FBXO22: variants seen among roughly 807,000 people sequenced by gnomAD.
FBXO22 encodes F-box protein 22, also known as F-box only protein 22.
A neutral mutation model predicts 37.2 loss-of-function variants in FBXO22; 13 were observed. The observed-to-expected ratio is 0.35, with a 90% CI of 0.23 to 0.56. The LOEUF (loss-of-function observed/expected upper bound fraction) is 0.56, where lower values mean the gene tolerates loss of function less well. Ranked by LOEUF, FBXO22 falls within the 20% of genes least tolerant of loss-of-function variation. The probability of loss-of-function intolerance (pLI) is 0.87; values close to 1 mark genes in which losing one functional copy is unlikely to be tolerated. For missense variants in FBXO22, 446 were observed against 509.9 expected, an observed-to-expected ratio of 0.87 and a Z score of 1.21; for synonymous variants, 189 against 189.1, an observed-to-expected ratio of 1.00 and a Z score of 0.00.
rs763668634 is a variant in FBXO22, at chr15:75,917,276, T to G, written c.510T>G (p.Ile170Met). Residue 170 changes from isoleucine to methionine, a missense_variant, in exon 5 of 7, where the codon ATT becomes ATG. Around this residue, in one of 2 missense-constraint regions of FBXO22, gnomAD observed 315 missense variants for 410.1 expected, o/e 0.77. Coordinates refer to ENST00000308275, the MANE Select transcript of FBXO22 (RefSeq NM_147188.3). ...SGSNRPQEIE[I>M]GESGFALLFP... ...GCAATCGACCTCAGGAAATAGAAAT[T>G]GGAGAATCTGGTTTTGCTTTATTAT... 2.0e-5 allele frequency: 33 copies of G among 1,612,522 alleles called. No homozygotes were observed. The highest frequency in any genetic ancestry group is 2.7e-5 in the Non-Finnish European group (32 of 1,179,422).
chr15:75,921,212 T>C lies in FBXO22; in HGVS notation c.628+3818T>C, dbSNP rs143346313. Among the ~76,000 whole-genome samples, 1,127 of 152,314 alleles carry C rather than the reference T, an allele frequency of 7.4e-3. 13 individuals are homozygous for C. Among genetic ancestry groups the C allele is most frequent in the African/African-American group, 0.024 (1,012 of 41,570 alleles). On this transcript the variant is annotated intron_variant, in intron 5 of 6. Transcript: ENST00000308275. ...TAAAAACATGGTATGAAAGACAGTATACCTCTATAGGGCACTTAACATGAA... is the reference window on the plus strand; with the variant it reads ...TAAAAACATGGTATGAAAGACAGTACACCTCTATAGGGCACTTAACATGAA...
intron 2 of FBXO22, 52 bp downstream of exon 2, chr15:75,904,681 C>T: frequency 6.6e-7 from 1 of 1,514,304 alleles, no homozygotes; most frequent in Non-Finnish European, 8.8e-7. Context: ...GTGGTTCAGT[C>T]TTTGAGAACT....
intron 5 of FBXO22, among the ~76,000 whole-genome samples, chr15:75,927,424 G>T (rs2648435): frequency 0.92 from 140,508 of 152,170 alleles, 65,460 homozygotes; most frequent in East Asian, 1. Flanking sequence ...AAGTCATGAG[G>T]TTTCTAAAAG....
Position 75,940,868 on chromosome 15 carries a change from A to G in FBXO22, c.*7766A>G, listed in dbSNP as rs537541608. 7 of 152,292 alleles carry G rather than the reference A, an allele frequency of 4.6e-5. No individual in the cohort carries two copies. The South Asian group carries it at 1.2e-3, about 27-fold the overall frequency. The allele number at this position is 152,292 out of a possible 1,614,324, so 9.4% of individuals were successfully genotyped here. On this transcript the variant is annotated 3_prime_UTR_variant, in exon 7 of 7. Coordinates refer to ENST00000308275, the MANE Select transcript of FBXO22 (RefSeq NM_147188.3). ...ACCTAAATGTGAGAGCTAAAACCAT[A>G]AAACTCTTAGGATGTGGCAGTGGTT...
chr15:75,904,649 A>G lies in FBXO22; in HGVS notation c.279+20A>G, dbSNP rs758787214. ...CTTGAGGCAAGTAGCAAGGGGTGTCATGCACAGTCATTTGCAGGTTGGTGG... is the reference window on the plus strand; with the variant it reads ...CTTGAGGCAAGTAGCAAGGGGTGTCGTGCACAGTCATTTGCAGGTTGGTGG... On this transcript the variant is annotated intron_variant, in intron 2 of 6. Coordinates refer to ENST00000308275, the MANE Select transcript of FBXO22 (RefSeq NM_147188.3). 2 of 1,572,316 alleles carry G rather than the reference A, an allele frequency of 1.3e-6. No individual in the cohort carries two copies. Among genetic ancestry groups the G allele is most frequent in the Non-Finnish European group, 1.7e-6 (2 of 1,156,980 alleles).
rs1386617184 is a variant in FBXO22 at position 75,904,646 on chromosome 15, G to T, written c.279+17G>T. ...GAGCTTGAGGCAAGTAGCAAGGGGT[G>T]TCATGCACAGTCATTTGCAGGTTGG... is the stretch of plus-strand genomic sequence containing the variant. On this transcript the variant is annotated intron_variant, in intron 2 of 6. Coordinates refer to ENST00000308275, the MANE Select transcript of FBXO22 (RefSeq NM_147188.3). 1.3e-6 allele frequency: 2 copies of T among 1,571,762 alleles called. No homozygotes were observed. Among genetic ancestry groups the T allele is most frequent in the East Asian group, 2.3e-5 (1 of 43,906 alleles).
chr15:75,921,530 G>A (rs182241233), intron 5 of FBXO22, among the ~76,000 whole-genome samples: 1 of 152,106 alleles, frequency 6.6e-6, no homozygotes, highest in Non-Finnish European at 1.5e-5. Flanking sequence ...GGGCATAGTG[G>A]TGTGCGCCTG....
intron 2 of FBXO22, among the ~76,000 whole-genome samples, chr15:75,909,618 A>C (rs181540861): frequency 7.9e-5 from 12 of 152,298 alleles, no homozygotes; most frequent in African/African-American, 2.6e-4. Context: ...ATGAAAATGA[A>C]CTTTTTGAGG....
chr15:75,925,673 G>GT, intron 5 of FBXO22, among the ~76,000 whole-genome samples: 1 of 31,510 alleles, frequency 3.2e-5, no homozygotes, highest in African/African-American at 7.9e-5. Flanking sequence ...GGAAGCTAGT[G>GT]TTAAAAAAAA....
At position 75,933,195 on chromosome 15, in the gene FBXO22, C is replaced by A; in HGVS notation, c.*93C>A. ...CCATGTGTATTTCAAACAAAAATAA[C>A]TTTAGATATATCTTTTTTGTAGCTT... On this transcript the variant is annotated 3_prime_UTR_variant, in exon 7 of 7. Transcript: ENST00000308275. 9.6e-7 allele frequency: 1 copy of A among 1,045,044 alleles called. No homozygotes were observed. Among genetic ancestry groups the A allele is most frequent in the Non-Finnish European group, 1.4e-6 (1 of 719,892 alleles). The allele number at this position is 1,045,044 out of a possible 1,614,324, so 64.7% of individuals were successfully genotyped here. A position where few individuals can be genotyped will look rare whatever the true frequency, so the allele number is the denominator to read the frequency against.
At position 75,933,329 on chromosome 15, in the gene FBXO22, CA is replaced by C; in HGVS notation, c.*230del. On this transcript the variant is annotated 3_prime_UTR_variant, in exon 7 of 7. Coordinates refer to ENST00000308275, the MANE Select transcript of FBXO22 (RefSeq NM_147188.3). ...TGAGAGCTTTTGCATCAGGCAGAAG[CA>C]AACTGATTATAGTTGTGTTGCACCA... 1 of 480,828 alleles carries C rather than the reference CA, an allele frequency of 2.1e-6. No homozygotes were observed. The highest frequency in any genetic ancestry group is 2.5e-5 in the South Asian group (1 of 40,724). The allele number at this position is 480,828 out of a possible 1,614,324, so 29.8% of individuals were successfully genotyped here.
rs1243224274 is a variant in FBXO22, at chr15:75,937,199, G to A, written c.*4097G>A. The A allele has an allele frequency of 6.6e-6, 1 of 150,820 alleles. No homozygotes were observed. The highest frequency in any genetic ancestry group is 2.4e-5 in the African/African-American group (1 of 40,992). The allele number at this position is 150,820 out of a possible 1,614,324, so 9.3% of individuals were successfully genotyped here. A position where few individuals can be genotyped will look rare whatever the true frequency, so the allele number is the denominator to read the frequency against. ...ACTAGGAAGCTGCAAGCTTTTGTTT[G>A]CCTATCAAAACATTAAAAAAAAAAA... On this transcript the variant is annotated 3_prime_UTR_variant, in exon 7 of 7. Transcript: ENST00000308275.
chr15:75,916,140 A>C (rs1200692963), intron 4 of FBXO22, among the ~76,000 whole-genome samples: 1 of 151,738 alleles, frequency 6.6e-6, no homozygotes, highest in Non-Finnish European at 1.5e-5. Flanking sequence ...TAGAAGATTC[A>C]GATAAGCAAA....
intron 6 of FBXO22, chr15:75,930,541 C>T: frequency 1.0e-6 from 1 of 986,870 alleles, no homozygotes; most frequent in Non-Finnish European, 1.2e-6. Flanking sequence ...GCAAGTCGTA[C>T]TGGTTTTTGG....
Position 75,937,556 on chromosome 15 carries a change from T to C in FBXO22, c.*4454T>C, listed in dbSNP as rs2030498710. ...AAGCAACTGTCTGAACGAACCTTGT[T>C]AGAGCTTTGGAAAACAGTCAAAGGT... On this transcript the variant is annotated 3_prime_UTR_variant, in exon 7 of 7. Transcript: ENST00000308275. The C allele has an allele frequency of 6.6e-6, 1 of 150,470 alleles. No homozygotes were observed. 9.3% of individuals were successfully genotyped at this position (150,470 alleles called of 1,614,324 possible).
rs1222221661 is a variant in FBXO22 at position 75,935,852 on chromosome 15, A to G, written c.*2750A>G. 2.6e-5 allele frequency: 4 copies of G among 152,150 alleles called. No individual in the cohort carries two copies. The highest frequency in any genetic ancestry group is 6.5e-5 in the Admixed American group (1 of 15,284). The allele number at this position is 152,150 out of a possible 1,614,324, so 9.4% of individuals were successfully genotyped here. A position where few individuals can be genotyped will look rare whatever the true frequency, so the allele number is the denominator to read the frequency against. Reference sequence around the variant, plus strand: ...GCCCAGGCCGGATTGCAATGGCACAATCTTGGCTCACTGCAAGCTCCGCCT... The same window carrying G: ...GCCCAGGCCGGATTGCAATGGCACAGTCTTGGCTCACTGCAAGCTCCGCCT... On this transcript the variant is annotated 3_prime_UTR_variant, in exon 7 of 7. Coordinates refer to ENST00000308275, the MANE Select transcript of FBXO22 (RefSeq NM_147188.3).
At chr15:75,931,457 T>G (rs1362357375) in intron 6 of FBXO22, among the ~76,000 whole-genome samples, 2 of 152,312 alleles carry the variant, frequency 1.3e-5, no homozygotes, top group East Asian at 3.9e-4. Flanking sequence ...AGATTGACAA[T>G]GTATATTAAC....
rs574872613 is a variant in FBXO22 at position 75,941,907 on chromosome 15, C to G, written c.*8805C>G. 2.2e-4 allele frequency: 26 copies of G among 119,400 alleles called. No individual in the cohort carries two copies. Among genetic ancestry groups the G allele is most frequent in the African/African-American group, 7.9e-4 (24 of 30,348 alleles). The allele number at this position is 119,400 out of a possible 1,614,324, so 7.4% of individuals were successfully genotyped here. Reference sequence around the variant, plus strand: ...CAAAATGGTTAAAATTTAAATCTTACGTACATTTTGCCACAGTAAATTTTT... The same window carrying G: ...CAAAATGGTTAAAATTTAAATCTTAGGTACATTTTGCCACAGTAAATTTTT... On this transcript the variant is annotated 3_prime_UTR_variant, in exon 7 of 7. Transcript: ENST00000308275.
rs1471096215 is a variant in FBXO22 at position 75,941,506 on chromosome 15, A to G, written c.*8404A>G. On this transcript the variant is annotated 3_prime_UTR_variant, in exon 7 of 7. Transcript: ENST00000308275. ...CACTGCAGCATTATTCACCGTAGTC[A>G]AAAGGTAGAAACAACCCAAATACCC... The G allele has an allele frequency of 1.3e-5, 2 of 152,218 alleles. No individual in the cohort carries two copies. Among genetic ancestry groups the G allele is most frequent in the Non-Finnish European group, 2.9e-5 (2 of 68,020 alleles). 9.4% of individuals were successfully genotyped at this position (152,218 alleles called of 1,614,324 possible). A position where few individuals can be genotyped will look rare whatever the true frequency, so the allele number is the denominator to read the frequency against.
Sources: allele counts gnomAD v4.1 joint callset (sites outside exome capture counted in the v4.1 genomes callset), GRCh38; gene constraint gnomAD v4.1.1; regional missense constraint gnomAD v4.1.1; transcripts MANE v1.5; gene names NCBI Gene and HGNC (gene_info 2026-07-23, HGNC 2026-07-21).